The following GFOD1 variants were observed in gnomAD, a reference collection of about 807,000 sequenced individuals.
GFOD1 encodes Gfo/Idh/MocA-like oxidoreductase domain containing 1.
In GFOD1, 9 loss-of-function variants were observed where a neutral mutation model predicts 25.4. The observed-to-expected ratio is 0.35, with a 90% CI of 0.21 to 0.62. The LOEUF is 0.62. GFOD1 is among the 20% of genes least tolerant of loss of function. The pLI, the probability that GFOD1 is intolerant of heterozygous loss-of-function variation, is 0.72. For missense variants in GFOD1, 403 were observed against 556.9 expected (o/e 0.72, Z 2.78); for synonymous variants, 253 against 245.6 (o/e 1.03, Z -0.28).
At chr6:13,425,371 G>C (rs1351792478) in intron 1 of GFOD1, among the ~76,000 whole-genome samples, 2 of 152,132 alleles carry the variant, frequency 1.3e-5, no homozygotes, top group Non-Finnish European at 2.9e-5. Flanking sequence ...CCGGGTCCCA[G>C]AAGTAGTAAG....
intron 1 of GFOD1, among the ~76,000 whole-genome samples, chr6:13,408,566 A>C (rs908011143): frequency 6.6e-6 from 1 of 152,160 alleles, no homozygotes; most frequent in Non-Finnish European, 1.5e-5. Context: ...CCAGTGAGTC[A>C]AAATAAAATC....
chr6:13,486,973 A>C lies in GFOD1; in HGVS notation c.-83T>G. 7 of 1,485,352 alleles carry C rather than the reference A, an allele frequency of 4.7e-6. No homozygotes were observed. Among genetic ancestry groups the C allele is most frequent in the East Asian group, 4.7e-5 (2 of 42,800 alleles). 92.0% of individuals were successfully genotyped at this position (1,485,352 alleles called of 1,614,324 possible). On this transcript the variant is annotated 5_prime_UTR_variant, in exon 1 of 2. Transcript: ENST00000379287. ...CACACCCACCTCTAGCCAGTCCTGC[A>C]CCCCGCTCCTGTAGCCAATCTAGCC...
At chr6:13,425,101 G>A (rs1786329869) in intron 1 of GFOD1, among the ~76,000 whole-genome samples, 1 of 151,648 alleles carries the variant, frequency 6.6e-6, no homozygotes, top group Admixed American at 6.6e-5. Context: ...TGAGACCACA[G>A]GCACATGCCA....
In GFOD1 at chr6:13,388,649, C is replaced by A. The variant is rs191888303; in HGVS notation, c.254-22987G>T. 2.6e-4 allele frequency among the ~76,000 whole-genome samples: 40 copies of A among 152,268 alleles called. 1 individual carries two copies. In the East Asian group the frequency reaches 7.7e-3, roughly 29 times the overall value. Reference sequence around the variant, plus strand: ...AAAGACTTAAATGTAAGACCTAAAACCATAAAAACACTAGAAGAAAACCTA... The same window carrying A: ...AAAGACTTAAATGTAAGACCTAAAAACATAAAAACACTAGAAGAAAACCTA... On this transcript the variant is annotated intron_variant, in intron 1 of 1. Transcript: ENST00000379287.
chr6:13,464,067 C>T (rs1758339128), intron 1 of GFOD1, among the ~76,000 whole-genome samples: 1 of 152,222 alleles, frequency 6.6e-6, no homozygotes, highest in Non-Finnish European at 1.5e-5. Flanking sequence ...AAAAGTTACT[C>T]TGCTGGCCTG....
At chr6:13,391,294 T>G (rs1785603099) in intron 1 of GFOD1, among the ~76,000 whole-genome samples, 1 of 151,998 alleles carries the variant, frequency 6.6e-6, no homozygotes, top group Non-Finnish European at 1.5e-5. Flanking sequence ...AATTGGCCAT[T>G]TGAAACCAGC....
At position 13,360,873 on chromosome 6, in the gene GFOD1, C is replaced by T. The variant is rs1015433469; in HGVS notation, c.*3870G>A. On this transcript the variant is annotated 3_prime_UTR_variant, in exon 2 of 2. Coordinates refer to ENST00000379287, the MANE Select transcript of GFOD1 (RefSeq NM_018988.4). ...TGGCAAGAACAGGAGGTGCCCACATCTCTTCCTGGGAGGCAGTGTGGTCTG... is the reference window on the plus strand; with the variant it reads ...TGGCAAGAACAGGAGGTGCCCACATTTCTTCCTGGGAGGCAGTGTGGTCTG... 5 of 456,686 alleles carry T rather than the reference C, an allele frequency of 1.1e-5. No homozygotes were observed. Among genetic ancestry groups the T allele is most frequent in the Non-Finnish European group, 2.2e-5 (5 of 226,944 alleles). 28.3% of individuals were successfully genotyped at this position (456,686 alleles called of 1,614,324 possible).
intron 1 of GFOD1, among the ~76,000 whole-genome samples, chr6:13,457,429 G>A (rs75426613): frequency 0.032 from 4,809 of 152,204 alleles, 255 homozygotes; most frequent in African/African-American, 0.11. Flanking sequence ...CCAATATTCC[G>A]GGGCAGGACC....
intron 1 of GFOD1, among the ~76,000 whole-genome samples, chr6:13,456,282 T>G (rs973157055): frequency 1.3e-5 from 2 of 152,134 alleles, no homozygotes; most frequent in African/African-American, 4.8e-5. Flanking sequence ...TCAAGTGATC[T>G]TCCCATCTCA....
rs1447532798 is a variant in GFOD1, at chr6:13,365,182, A to T, written c.734T>A (p.Phe245Tyr). Residue 245 changes from phenylalanine to tyrosine, a missense_variant, in exon 2 of 2, where the codon TTC becomes TAC. Physicochemically the swap from Phe to Tyr is conservative, Grantham distance 22. Coordinates refer to ENST00000379287, the MANE Select transcript of GFOD1 (RefSeq NM_018988.4). This position sits in a 1 kb window ranked among gnomAD's most constrained non-coding sequence, Gnocchi z 9.2. Reference protein sequence around the residue: ...VTLNFNVPGEFKQDVTVVGSA... With the variant: ...VTLNFNVPGEYKQDVTVVGSA... ...GCCCACCACAGTGACATCCTGCTTGAACTCGCCGGGCACGTTGAAGTTGAG... is the reference window on the plus strand; with the variant it reads ...GCCCACCACAGTGACATCCTGCTTGTACTCGCCGGGCACGTTGAAGTTGAG... The T allele has an allele frequency of 6.2e-7, 1 of 1,613,826 alleles. No individual in the cohort carries two copies. The highest frequency in any genetic ancestry group is 8.5e-7 in the Non-Finnish European group (1 of 1,179,958).
At chr6:13,395,889 G>A (rs1785719638) in intron 1 of GFOD1, among the ~76,000 whole-genome samples, 1 of 152,196 alleles carries the variant, frequency 6.6e-6, no homozygotes, top group Non-Finnish European at 1.5e-5. Context: ...AGGGCACTGA[G>A]GCAATTCTAG....
chr6:13,470,443 A>G (rs1221754007), intron 1 of GFOD1: 2 of 1,550,280 alleles, frequency 1.3e-6, no homozygotes, highest in Non-Finnish European at 1.7e-6. Context: ...TAAGTTAGAC[A>G]GGCTGCATCC....
At chr6:13,416,191 A>G (rs2127567167) in intron 1 of GFOD1, among the ~76,000 whole-genome samples, 1 of 152,294 alleles carries the variant, frequency 6.6e-6, no homozygotes, top group East Asian at 1.9e-4. Context: ...TTTGCCTTCC[A>G]CCATGATTGT....
intron 1 of GFOD1, among the ~76,000 whole-genome samples, chr6:13,445,487 T>A (rs535319548): frequency 6.6e-6 from 1 of 152,124 alleles, no homozygotes; most frequent in Middle Eastern, 3.2e-3. Flanking sequence ...GGAAACAAGC[T>A]CTTGTTTCAC....
chr6:13,397,812 CA>C (rs1180575791), intron 1 of GFOD1, among the ~76,000 whole-genome samples: 3 of 152,180 alleles, frequency 2.0e-5, no homozygotes, highest in Admixed American at 6.5e-5. Flanking sequence ...TGAATGGGGG[CA>C]GGGGCAAACC....
In GFOD1 at chr6:13,401,158, C is replaced by G. The variant is rs781675376; in HGVS notation, c.254-35496G>C. ...CCTGTGTGAGGTGACAGACTTATTG[C>G]ACTGGAATAATATGAATTTAAACCC... On this transcript the variant is annotated intron_variant, in intron 1 of 1. Transcript: ENST00000379287. Among the ~76,000 whole-genome samples the G allele has an allele frequency of 4.8e-4, 73 of 152,120 alleles. 3 individuals carry two copies. The highest frequency in any genetic ancestry group is 2.6e-4 in the Non-Finnish European group (18 of 68,026).
chr6:13,387,790 T>A (rs1182047471), intron 1 of GFOD1, among the ~76,000 whole-genome samples: 1 of 152,078 alleles, frequency 6.6e-6, no homozygotes, highest in Non-Finnish European at 1.5e-5. Context: ...GAAAAAGAAA[T>A]AAAGGATATT....
intron 1 of GFOD1, among the ~76,000 whole-genome samples, chr6:13,411,301 C>CT (rs1562210610): frequency 6.6e-6 from 1 of 151,876 alleles, no homozygotes; most frequent in Admixed American, 6.6e-5. Flanking sequence ...ATTTTCTTTT[C>CT]TTTTTTTTGA....
At chr6:13,468,826 T>C (rs556311839) in intron 1 of GFOD1, among the ~76,000 whole-genome samples, 1 of 152,182 alleles carries the variant, frequency 6.6e-6, no homozygotes, top group South Asian at 2.1e-4. Flanking sequence ...TCCAGTTCTC[T>C]GCTTTTCACA....
Sources: gnomAD v4.1 joint callset for allele counts (sites outside exome capture counted in the v4.1 genomes callset) on GRCh38, gnomAD v4.1.1 for gene constraint, Gnocchi (gnomAD v3.1) non-coding constraint, MANE v1.5 for transcripts, NCBI Gene and HGNC (gene_info 2026-07-23, HGNC 2026-07-21) for gene names.